PTPRM: variants seen among roughly 807,000 people sequenced by gnomAD.
PTPRM encodes protein tyrosine phosphatase receptor type M.
Under a neutral mutation model 186.7 loss-of-function variants are expected in PTPRM, and 47 were observed. The ratio of observed to expected loss-of-function variants is 0.25; its 90% CI spans 0.20 to 0.32. The LOEUF (loss-of-function observed/expected upper bound fraction) is 0.32, where lower values mean the gene tolerates loss of function less well. Among genes scored for constraint, PTPRM ranks in the 10% least tolerant of loss-of-function variants. The pLI, the probability that PTPRM is intolerant of heterozygous loss-of-function variation, is 1.00. For synonymous variants in PTPRM, 668 were observed against 674.9 expected, an observed-to-expected ratio of 0.99 and a Z score of 0.16; for missense variants, 1,494 against 1,865.0, an observed-to-expected ratio of 0.80 and a Z score of 3.66.
At chr18:7,787,479 A>T (rs1045391062) in intron 2 of PTPRM, among the ~76,000 whole-genome samples, 1 of 152,206 alleles carries the variant, frequency 6.6e-6, no homozygotes, top group African/African-American at 2.4e-5. Flanking sequence ...TGAAAGTGAC[A>T]TGTGCTATTT....
rs113997697 is a variant in PTPRM at position 7,728,098 on chromosome 18, T to G, written c.74-46051T>G. Among the ~76,000 whole-genome samples the G allele has an allele frequency of 3.7e-3, 568 of 152,350 alleles. 6 individuals are homozygous for G. Among genetic ancestry groups the G allele is most frequent in the African/African-American group, 0.013 (554 of 41,586 alleles). On this transcript the variant is annotated intron_variant, in intron 1 of 32. Transcript: ENST00000580170. ...TTCCCCAAGTTCTTCAAGTTTTACT[T>G]ATTTTTGTGCTGTAATAGGAAATTA... is the stretch of plus-strand genomic sequence containing the variant.
At chr18:8,302,237 T>C (rs933398888) in intron 20 of PTPRM, among the ~76,000 whole-genome samples, 43 of 152,172 alleles carry the variant, frequency 2.8e-4, no homozygotes, top group African/African-American at 9.9e-4. Context: ...GGATGGGACA[T>C]GGAAAACAAC....
chr18:8,345,716 CAGAAA>C (rs1252276894), intron 23 of PTPRM, among the ~76,000 whole-genome samples: 8 of 151,264 alleles, frequency 5.3e-5, no homozygotes, highest in Admixed American at 6.6e-5. Context: ...TCTAAGAGAA[CAGAAA>C]AGAAAACTTG....
At chr18:7,753,530 C>A (rs1489725617) in intron 1 of PTPRM, among the ~76,000 whole-genome samples, 1 of 152,004 alleles carries the variant, frequency 6.6e-6, no homozygotes, top group South Asian at 2.1e-4. Context: ...CACAGTACAT[C>A]CTATATGGTA....
chr18:8,026,730 C>T lies in PTPRM; in HGVS notation c.1133-42956C>T, dbSNP rs184767044. 4.4e-3 allele frequency among the ~76,000 whole-genome samples: 675 copies of T among 151,988 alleles called. 2 individuals carry two copies. Among genetic ancestry groups the T allele is most frequent in the African/African-American group, 0.016 (647 of 41,444 alleles). On this transcript the variant is annotated intron_variant, in intron 7 of 32. Coordinates refer to ENST00000580170, the MANE Select transcript of PTPRM (RefSeq NM_001105244.2). ...AAAATTAGCCAGGTGTGGTGGTGGA[C>T]GCCTGTAGTCCCAGCTACTCGGGAG...
At chr18:8,329,534 A>G (rs1247590961) in intron 22 of PTPRM, among the ~76,000 whole-genome samples, 1 of 152,142 alleles carries the variant, frequency 6.6e-6, no homozygotes, top group Non-Finnish European at 1.5e-5. Context: ...ACTAATACCC[A>G]TGTACTTTCC....
At chr18:8,334,471 C>T (rs1598342915) in intron 22 of PTPRM, among the ~76,000 whole-genome samples, 1 of 152,194 alleles carries the variant, frequency 6.6e-6, no homozygotes, top group Non-Finnish European at 1.5e-5. Context: ...TAGGCTCTGA[C>T]CTTCCTGCCC....
At chr18:8,082,504 T>A (rs1424118621) in intron 9 of PTPRM, among the ~76,000 whole-genome samples, 9 of 124,054 alleles carry the variant, frequency 7.3e-5, no homozygotes, top group Non-Finnish European at 1.5e-4. Context: ...CCTCCTTCTC[T>A]CCCTCCCTCC....
At chr18:7,865,954 T>C (rs899508400) in intron 2 of PTPRM, among the ~76,000 whole-genome samples, 5 of 152,198 alleles carry the variant, frequency 3.3e-5, no homozygotes, top group Non-Finnish European at 7.3e-5. Flanking sequence ...TCTTCTAGAT[T>C]TTCTAGTTTA....
intron 13 of PTPRM, among the ~76,000 whole-genome samples, chr18:8,120,326 A>C (rs73387785): frequency 0.022 from 3,349 of 152,238 alleles, 110 homozygotes; most frequent in African/African-American, 0.077. Context: ...TTTATAATAT[A>C]CTTTTTACAT....
intron 8 of PTPRM, among the ~76,000 whole-genome samples, chr18:8,073,743 A>G (rs2089634194): frequency 6.6e-6 from 1 of 152,108 alleles, no homozygotes; most frequent in Admixed American, 6.5e-5. Context: ...TATCACTACA[A>G]AAATTAAAAA....
At chr18:8,159,270 C>A (rs1222375944) in intron 14 of PTPRM, among the ~76,000 whole-genome samples, 1 of 152,040 alleles carries the variant, frequency 6.6e-6, no homozygotes, top group African/African-American at 2.4e-5. Flanking sequence ...GCCTGGTATC[C>A]TTACAGAGTG....
chr18:8,385,983 G>A (rs2095769822), intron 30 of PTPRM, among the ~76,000 whole-genome samples: 2 of 152,082 alleles, frequency 1.3e-5, no homozygotes, highest in South Asian at 4.2e-4. Context: ...ACAATCCTGG[G>A]GAATGGAGTG....
At position 7,568,547 on chromosome 18, in the gene PTPRM, G is replaced by A. The variant is rs988763892; in HGVS notation, c.73+656G>A. Among the ~76,000 whole-genome samples the A allele has an allele frequency of 2.7e-4, 41 of 152,266 alleles. No individual in the cohort carries two copies. The highest frequency in any genetic ancestry group is 9.1e-4 in the Admixed American group (14 of 15,306). On this transcript the variant is annotated intron_variant, in intron 1 of 32. Transcript: ENST00000580170. This position sits in a 1 kb window ranked among gnomAD's most constrained non-coding sequence, Gnocchi z 5.1. ...TGGCGGCCGCGGAGGGAAGCGGGCA[G>A]GTCCCCAGGCCCTGGCCACGGCCCT...
intron 5 of PTPRM, among the ~76,000 whole-genome samples, chr18:7,938,705 C>G (rs1038146355): frequency 6.6e-6 from 1 of 152,086 alleles, no homozygotes; most frequent in African/African-American, 2.4e-5. Context: ...TGATGTTATT[C>G]AGCTATTATG....
chr18:7,619,998 G>C (rs1164460211), intron 1 of PTPRM, among the ~76,000 whole-genome samples: 1 of 152,184 alleles, frequency 6.6e-6, no homozygotes, highest in African/African-American at 2.4e-5. Context: ...TGCACAAGAA[G>C]TGATATGTTC....
At chr18:8,217,724 G>C (rs140378901) in intron 14 of PTPRM, among the ~76,000 whole-genome samples, 2 of 152,154 alleles carry the variant, frequency 1.3e-5, no homozygotes, top group African/African-American at 2.4e-5. Flanking sequence ...CTGAGTCTCA[G>C]TATGCCCAGT....
chr18:8,200,150 C>A (rs1440057038), intron 14 of PTPRM, among the ~76,000 whole-genome samples: 1 of 152,090 alleles, frequency 6.6e-6, no homozygotes, highest in Admixed American at 6.5e-5. Context: ...ATATAAACTT[C>A]TACAGTTACA....
At chr18:7,876,778 G>A (rs2048266012) in intron 2 of PTPRM, among the ~76,000 whole-genome samples, 1 of 152,148 alleles carries the variant, frequency 6.6e-6, no homozygotes, top group Non-Finnish European at 1.5e-5. Flanking sequence ...TACTTACAAG[G>A]ATATAATGTT....
Sources: allele counts gnomAD v4.1 joint callset (sites outside exome capture counted in the v4.1 genomes callset), GRCh38; gene constraint gnomAD v4.1.1; non-coding constraint Gnocchi (gnomAD v3.1); transcripts MANE v1.5; gene names NCBI Gene and HGNC (gene_info 2026-07-23, HGNC 2026-07-21).